ARHGAP35: variants seen among roughly 807,000 people sequenced by gnomAD.
ARHGAP35 encodes the protein rho GTPase-activating protein 35.
In ARHGAP35, 15 loss-of-function variants were observed where a neutral mutation model predicts 111.1. That is an observed-to-expected ratio of 0.13 (90% confidence interval 0.09 to 0.21). ARHGAP35 has a LOEUF of 0.21. ARHGAP35 is among the 10% of genes least tolerant of loss of function. The probability of loss-of-function intolerance (pLI) is 1.00; values close to 1 mark genes in which losing one functional copy is unlikely to be tolerated. For missense variants in ARHGAP35, 1,262 were observed against 1,873.0 expected (o/e 0.67, Z 6.02); for synonymous variants, 643 against 710.3 (o/e 0.91, Z 1.51).
At chr19:46,979,815 AG>A (rs1473647552) in intron 3 of ARHGAP35, among the ~76,000 whole-genome samples, 1 of 152,178 alleles carries the variant, frequency 6.6e-6, no homozygotes, top group African/African-American at 2.4e-5. Context: ...AGTCTGGCAC[AG>A]GAAGAAGCAG....
At chr19:46,964,729 G>C (rs1380433679) in intron 3 of ARHGAP35, among the ~76,000 whole-genome samples, 2 of 152,170 alleles carry the variant, frequency 1.3e-5, no homozygotes, top group African/African-American at 2.4e-5. Context: ...TGGCTCATTG[G>C]AGCTTATGGA....
At chr19:46,996,398 G>A (rs947966017) in intron 5 of ARHGAP35, among the ~76,000 whole-genome samples, 10 of 152,028 alleles carry the variant, frequency 6.6e-5, no homozygotes, top group African/African-American at 9.7e-5. Context: ...CACCGCGCCC[G>A]GCCCCTAAAT....
At chr19:46,981,659 T>G (rs935997277) in intron 3 of ARHGAP35, among the ~76,000 whole-genome samples, 1 of 152,146 alleles carries the variant, frequency 6.6e-6, no homozygotes, top group Non-Finnish European at 1.5e-5. Context: ...CTCCATTTTT[T>G]TAGTGTCCGT....
rs1215126905 is a variant in ARHGAP35, at chr19:46,861,079, C to G, written c.-319C>G. ...AACCCGCGAGGGAGGGTCCGCCCGG[C>G]CCCCCGCCGCCGGAGCCGCCGCCGC... On this transcript the variant is annotated 5_prime_UTR_variant, in exon 1 of 7. Coordinates refer to ENST00000672722, the MANE Select transcript of ARHGAP35 (RefSeq NM_004491.5). Among the ~76,000 whole-genome samples, 1 of 148,126 alleles carries G rather than the reference C, an allele frequency of 6.8e-6. No individual in the cohort carries two copies. The highest frequency in any genetic ancestry group is 1.5e-5 in the Non-Finnish European group (1 of 67,282).
intron 1 of ARHGAP35, among the ~76,000 whole-genome samples, chr19:46,907,478 T>TTTTG (rs56161001): frequency 0.51 from 75,930 of 147,442 alleles, 20,006 homozygotes; most frequent in Middle Eastern, 0.67. Flanking sequence ...TAGCTTCTTT[T>TTTTG]TTTGTTTGTT....
In ARHGAP35 at chr19:46,988,346, C is replaced by T; in HGVS notation, c.3904+280C>T. On this transcript the variant is annotated intron_variant, in intron 4 of 6. Transcript: ENST00000672722. The surrounding 1 kb of genome is among the most constrained non-coding windows in gnomAD (Gnocchi z 5.4). ...CTCTTCCAGGTTGCCCGGGCACATG[C>T]CTCCCTCACCACACTGAAGAGCTTT... is the stretch of plus-strand genomic sequence containing the variant. 2.4e-6 allele frequency: 1 copy of T among 421,758 alleles called. No homozygotes were observed. The highest frequency in any genetic ancestry group is 2.3e-5 in the South Asian group (1 of 44,176). The allele number at this position is 421,758 out of a possible 1,614,324, so 26.1% of individuals were successfully genotyped here.
At chr19:46,878,952 A>G (rs2055942067) in intron 1 of ARHGAP35, among the ~76,000 whole-genome samples, 1 of 152,188 alleles carries the variant, frequency 6.6e-6, no homozygotes, top group Admixed American at 6.5e-5. Flanking sequence ...TGCTACATTC[A>G]TTGATTCTTC....
chr19:46,874,744 C>G (rs1368053592), intron 1 of ARHGAP35, among the ~76,000 whole-genome samples: 1 of 149,650 alleles, frequency 6.7e-6, no homozygotes, highest in Non-Finnish European at 1.5e-5. Flanking sequence ...ACCTCGTGGT[C>G]CAGCCGCGTT....
At chr19:46,905,266 G>A (rs903299773) in intron 1 of ARHGAP35, among the ~76,000 whole-genome samples, 19 of 152,094 alleles carry the variant, frequency 1.2e-4, no homozygotes, top group Admixed American at 9.8e-4. Context: ...GGTGGCTCAC[G>A]CCTATAATCT....
Position 46,922,232 on chromosome 19 carries a change from T to G in ARHGAP35, c.3557T>G (p.Ile1186Ser). Reference sequence around the variant, plus strand: ...GGGAGTGATGATGAGCTGGGGCCCATCCGGAAGAAAGAGGAGGATCAGGCA... The same window carrying G: ...GGGAGTGATGATGAGCTGGGGCCCAGCCGGAAGAAAGAGGAGGATCAGGCA... ...SVGSDDELGP[I>S]RKKEEDQASQ... Residue 1186 changes from isoleucine (I) to serine (S), a missense_variant, in exon 2 of 7, where the codon ATC (isoleucine) becomes AGC (serine). Ile to Ser is a moderately radical substitution (Grantham distance 142). Transcript: ENST00000672722. The surrounding 1 kb of genome is among the most constrained non-coding windows in gnomAD (Gnocchi z 4.0). 1 of 1,613,796 alleles carries G rather than the reference T, an allele frequency of 6.2e-7. No individual in the cohort carries two copies. Among genetic ancestry groups the G allele is most frequent in the Non-Finnish European group, 8.5e-7 (1 of 1,179,862 alleles).
chr19:46,943,569 C>A (rs1186491019), intron 3 of ARHGAP35, among the ~76,000 whole-genome samples: 1 of 152,160 alleles, frequency 6.6e-6, no homozygotes, highest in Non-Finnish European at 1.5e-5. Flanking sequence ...TTGGAATGGC[C>A]ATATGACCAC....
In ARHGAP35 at chr19:46,999,296, C is replaced by T; in HGVS notation, c.4037-8C>T. The T allele has an allele frequency of 6.4e-7, 1 of 1,570,912 alleles. No individual in the cohort carries two copies. Among genetic ancestry groups the T allele is most frequent in the Non-Finnish European group, 8.6e-7 (1 of 1,157,002 alleles). On this transcript the variant is annotated splice_polypyrimidine_tract_variant and splice_region_variant and intron_variant, in intron 5 of 6. Coordinates refer to ENST00000672722, the MANE Select transcript of ARHGAP35 (RefSeq NM_004491.5). This position sits in a 1 kb window ranked among gnomAD's most constrained non-coding sequence, Gnocchi z 5.4. Reference sequence around the variant, plus strand: ...GAAAGGCAAGGCTTTGGTTTTCTCTCTCCTCAGAAATCAACGACCGGGAGC... The same window carrying T: ...GAAAGGCAAGGCTTTGGTTTTCTCTTTCCTCAGAAATCAACGACCGGGAGC...
intron 1 of ARHGAP35, among the ~76,000 whole-genome samples, chr19:46,879,784 CAAA>C (rs35769391): frequency 8.2e-5 from 8 of 97,432 alleles, no homozygotes; most frequent in South Asian, 3.3e-4. Flanking sequence ...ACTCTTGTCT[CAAA>C]AAAAAAAAAA....
At chr19:46,870,601 C>T (rs1599790631) in intron 1 of ARHGAP35, among the ~76,000 whole-genome samples, 1 of 152,048 alleles carries the variant, frequency 6.6e-6, no homozygotes, top group East Asian at 1.9e-4. Context: ...AAAATTTCTT[C>T]CTCTGATTGG....
At chr19:46,900,955 G>A (rs190060624) in intron 1 of ARHGAP35, among the ~76,000 whole-genome samples, 24 of 152,228 alleles carry the variant, frequency 1.6e-4, no homozygotes, top group Admixed American at 5.2e-4. Flanking sequence ...ACCACGTGCC[G>A]GGGCTTTCTC....
At chr19:46,906,335 T>C (rs924898371) in intron 1 of ARHGAP35, among the ~76,000 whole-genome samples, 5 of 151,804 alleles carry the variant, frequency 3.3e-5, no homozygotes, top group African/African-American at 1.2e-4. Context: ...ACAGATCAAA[T>C]TGGACTTGCT....
intron 5 of ARHGAP35, among the ~76,000 whole-genome samples, chr19:46,990,788 A>C (rs543442917): frequency 6.6e-6 from 1 of 152,356 alleles, no homozygotes. Flanking sequence ...TGAAGGAGAC[A>C]GGTGTGCAAG....
chr19:47,001,715 T>G lies in ARHGAP35; in HGVS notation c.*1027T>G. The stretch of plus-strand genomic sequence containing the variant: ...CAGTCCATTACGATAGAAACACTAA[T>G]TGAGCATGTGCGTGGGGTGGGGGTG... On this transcript the variant is annotated 3_prime_UTR_variant, in exon 7 of 7. Coordinates refer to ENST00000672722, the MANE Select transcript of ARHGAP35 (RefSeq NM_004491.5). The surrounding 1 kb of genome is among the most constrained non-coding windows in gnomAD (Gnocchi z 5.4). 3.1e-6 allele frequency: 1 copy of G among 325,564 alleles called. No individual in the cohort carries two copies. Among genetic ancestry groups the G allele is most frequent in the East Asian group, 8.0e-5 (1 of 12,430 alleles). The allele number at this position is 325,564 out of a possible 1,614,324, so 20.2% of individuals were successfully genotyped here. A position where few individuals can be genotyped will look rare whatever the true frequency, so the allele number is the denominator to read the frequency against.
chr19:46,935,603 T>C (rs1007718452), intron 2 of ARHGAP35, among the ~76,000 whole-genome samples: 1 of 152,240 alleles, frequency 6.6e-6, no homozygotes, highest in Non-Finnish European at 1.5e-5. Context: ...GTGGATTTTA[T>C]GTAAAATCCC....
Sources: gnomAD v4.1 joint callset for allele counts (sites outside exome capture counted in the v4.1 genomes callset) on GRCh38, gnomAD v4.1.1 for gene constraint, Gnocchi (gnomAD v3.1) non-coding constraint, MANE v1.5 for transcripts, NCBI Gene and HGNC (gene_info 2026-07-23, HGNC 2026-07-21) for gene names.